The following PRKG1 variants were observed in gnomAD, a reference collection of about 807,000 sequenced individuals.
PRKG1 encodes the protein cGMP-dependent protein kinase 1.
In PRKG1, 35 loss-of-function variants were observed where a neutral mutation model predicts 88.1. The observed-to-expected ratio is 0.40, with a 90% confidence interval of 0.30 to 0.53. The LOEUF is 0.53. Ranked by LOEUF, PRKG1 falls within the 20% of genes least tolerant of loss-of-function variation. The pLI is 0.59. For synonymous variants in PRKG1, 303 were observed against 292.5 expected, an observed-to-expected ratio of 1.04 and a Z score of -0.37; for missense variants, 540 against 839.8, an observed-to-expected ratio of 0.64 and a Z score of 4.41.
chr10:52,062,223 C>T (rs921529555), intron 6 of PRKG1, among the ~76,000 whole-genome samples: 1 of 151,950 alleles, frequency 6.6e-6, no homozygotes, highest in Non-Finnish European at 1.5e-5. Context: ...AAATGCTCAC[C>T]AAGTTCATTA....
chr10:51,346,068 T>C (rs926236747), intron 2 of PRKG1, among the ~76,000 whole-genome samples: 4 of 152,348 alleles, frequency 2.6e-5, no homozygotes, highest in Middle Eastern at 3.4e-3. Flanking sequence ...TTATCACTGA[T>C]AGCCTGCTCT....
chr10:51,851,982 CAT>C (rs1203360420), intron 4 of PRKG1, among the ~76,000 whole-genome samples: 15 of 152,120 alleles, frequency 9.9e-5, no homozygotes, highest in Non-Finnish European at 5.9e-5. Context: ...GACATAGACA[CAT>C]GTTTCAGGCA....
intron 4 of PRKG1, among the ~76,000 whole-genome samples, chr10:51,806,173 A>T (rs1253885605): frequency 6.6e-6 from 1 of 152,226 alleles, no homozygotes; most frequent in Non-Finnish European, 1.5e-5. Context: ...GATAAAGATT[A>T]CAACTGGTAA....
chr10:51,574,810 A>G (rs1271048212), intron 3 of PRKG1, among the ~76,000 whole-genome samples: 1 of 151,960 alleles, frequency 6.6e-6, no homozygotes, highest in Non-Finnish European at 1.5e-5. Context: ...AGCACATTTT[A>G]TATACATGAG....
chr10:51,143,353 A>G (rs956983815), intron 1 of PRKG1, among the ~76,000 whole-genome samples: 3 of 152,108 alleles, frequency 2.0e-5, no homozygotes, highest in Non-Finnish European at 4.4e-5. Context: ...TTGTGTCTGT[A>G]TAACACATTT....
intron 3 of PRKG1, among the ~76,000 whole-genome samples, chr10:51,530,645 T>A (rs1841994733): frequency 6.6e-6 from 1 of 152,134 alleles, no homozygotes; most frequent in Non-Finnish European, 1.5e-5. Context: ...AGACACAGAA[T>A]CCTTTGTTGA....
chr10:51,639,829 G>C (rs76650952), intron 3 of PRKG1, among the ~76,000 whole-genome samples: 6,385 of 152,048 alleles, frequency 0.042, 199 homozygotes, highest in South Asian at 0.12. Context: ...CCTAATAAAA[G>C]CTTTGCCTTA....
At chr10:51,263,343 T>TTTTG (rs561656146) in intron 2 of PRKG1, among the ~76,000 whole-genome samples, 236 of 152,320 alleles carry the variant, frequency 1.5e-3, no homozygotes, top group Non-Finnish European at 2.5e-3. Context: ...CCTTTCCAGT[T>TTTTG]TTTGTTTGTT....
chr10:52,023,834 T>C (rs1243053540), intron 5 of PRKG1, among the ~76,000 whole-genome samples: 1 of 152,232 alleles, frequency 6.6e-6, no homozygotes, highest in Non-Finnish European at 1.5e-5. Context: ...ATGGATAGAT[T>C]GCAAAAATTT....
chr10:52,024,519 C>T (rs1181618320), intron 5 of PRKG1, among the ~76,000 whole-genome samples: 2 of 152,086 alleles, frequency 1.3e-5, no homozygotes, highest in African/African-American at 4.8e-5. Context: ...CTGATGTTCC[C>T]TGCCCTGTGT....
chr10:51,670,974 A>G (rs949113696), intron 3 of PRKG1, among the ~76,000 whole-genome samples: 14 of 151,912 alleles, frequency 9.2e-5, no homozygotes, highest in African/African-American at 3.1e-4. Context: ...TTGTTGTTCT[A>G]TGCAATGTTT....
intron 9 of PRKG1, among the ~76,000 whole-genome samples, chr10:52,192,271 T>C (rs867824098): frequency 6.6e-6 from 1 of 152,162 alleles, no homozygotes; most frequent in Non-Finnish European, 1.5e-5. Flanking sequence ...TTCATGTACA[T>C]TTCCTCCCCT....
chr10:52,178,312 T>C (rs1838920285), intron 9 of PRKG1, among the ~76,000 whole-genome samples: 1 of 152,128 alleles, frequency 6.6e-6, no homozygotes. Flanking sequence ...TTTTATAGTT[T>C]CAAATGTTCC....
intron 3 of PRKG1, among the ~76,000 whole-genome samples, chr10:51,708,749 G>A (rs1326477764): frequency 6.6e-6 from 1 of 152,194 alleles, no homozygotes; most frequent in Admixed American, 6.5e-5. Flanking sequence ...ACTAGTCTAT[G>A]TCTGCTGGGG....
At chr10:51,430,444 A>G (rs1006490863) in intron 2 of PRKG1, among the ~76,000 whole-genome samples, 1 of 152,098 alleles carries the variant, frequency 6.6e-6, no homozygotes, top group African/African-American at 2.4e-5. Context: ...AAACAAAAAC[A>G]AAAGATGGAC....
chr10:52,284,726 T>C (rs551239628), intron 14 of PRKG1, among the ~76,000 whole-genome samples: 1 of 152,108 alleles, frequency 6.6e-6, no homozygotes, highest in African/African-American at 2.4e-5. Flanking sequence ...AAGCAAAGAC[T>C]GTTCATGCAG....
chr10:51,778,499 A>C (rs1302615316), intron 3 of PRKG1, among the ~76,000 whole-genome samples: 2 of 152,048 alleles, frequency 1.3e-5, no homozygotes, highest in Non-Finnish European at 1.5e-5. Flanking sequence ...GCCTTACTTT[A>C]TTTTGCTCAG....
At chr10:52,279,160 A>C (rs1841943558) in intron 12 of PRKG1, among the ~76,000 whole-genome samples, 1 of 152,148 alleles carries the variant, frequency 6.6e-6, no homozygotes, top group Admixed American at 6.6e-5. Context: ...CGAAGAAGAA[A>C]GGACCTTCAA....
chr10:51,152,872 GA>G (rs1846108067), intron 1 of PRKG1, among the ~76,000 whole-genome samples: 1 of 150,942 alleles, frequency 6.6e-6, no homozygotes, highest in African/African-American at 2.4e-5. Flanking sequence ...TTGTGATTAA[GA>G]AAAAGTCTAA....
Sources: gnomAD v4.1 joint callset for allele counts (sites outside exome capture counted in the v4.1 genomes callset) on GRCh38, gnomAD v4.1.1 for gene constraint, MANE v1.5 for transcripts, NCBI Gene and HGNC (gene_info 2026-07-23, HGNC 2026-07-21) for gene names.